Variants in ARHGAP15 observed in about 807,000 individuals in gnomAD.
ARHGAP15 encodes the protein Rho GTPase activating protein 15.
ARHGAP15 carries 51 observed loss-of-function variants against 63.7 expected under a neutral mutation model. That is an observed-to-expected ratio of 0.80 (90% CI 0.64 to 1.01). The LOEUF (loss-of-function observed/expected upper bound fraction) is 1.01, where lower values mean the gene tolerates loss of function less well. ARHGAP15 is among the 50% of genes least tolerant of loss of function. The pLI is 0.00. For synonymous variants in ARHGAP15, 191 were observed against 193.8 expected, an observed-to-expected ratio of 0.99 and a Z score of 0.12; for missense variants, 560 against 564.6, an observed-to-expected ratio of 0.99 and a Z score of 0.08.
chr2:143,183,745 A>G (rs1691329952), intron 2 of ARHGAP15, among the ~76,000 whole-genome samples: 1 of 151,362 alleles, frequency 6.6e-6, no homozygotes, highest in East Asian at 1.9e-4. Context: ...TTAAAGCTAA[A>G]GATGAAATGC....
intron 13 of ARHGAP15, chr2:143,741,196 G>C (rs1466020088): frequency 1.3e-5 from 2 of 152,128 alleles, no homozygotes; most frequent in African/African-American, 4.8e-5. Flanking sequence ...ATGTTATTAA[G>C]GACTAATTAG....
At chr2:143,480,078 A>G (rs1175452822) in intron 8 of ARHGAP15, among the ~76,000 whole-genome samples, 1 of 152,168 alleles carries the variant, frequency 6.6e-6, no homozygotes, top group Non-Finnish European at 1.5e-5. Context: ...TAAACAAAAC[A>G]CCCTGCCTTA....
chr2:143,171,909 T>C (rs929473772), intron 2 of ARHGAP15: 1 of 152,154 alleles, frequency 6.6e-6, no homozygotes, highest in African/African-American at 2.4e-5. Context: ...TGTGCTTGGC[T>C]AAACACATTA....
At chr2:143,191,767 C>T (rs1691691434) in intron 2 of ARHGAP15, among the ~76,000 whole-genome samples, 1 of 152,152 alleles carries the variant, frequency 6.6e-6, no homozygotes, top group South Asian at 2.1e-4. Context: ...CCCAATTTAG[C>T]TTCAAATAAT....
At chr2:143,532,292 TC>T (rs1343756650) in intron 10 of ARHGAP15, among the ~76,000 whole-genome samples, 1 of 152,216 alleles carries the variant, frequency 6.6e-6, no homozygotes, top group Non-Finnish European at 1.5e-5. Flanking sequence ...AGTATAGAGT[TC>T]TTACTTTTCA....
Position 143,621,422 on chromosome 2 carries a change from T to C in ARHGAP15, c.1004-2711T>C, listed in dbSNP as rs374933290. ...GACTGGTTGGCTTCATGAGAAGGCA[T>C]ACTATATGGACATAACTTCATGTTT... On this transcript the variant is annotated intron_variant, in intron 11 of 13. Coordinates refer to ENST00000295095, the MANE Select transcript of ARHGAP15 (RefSeq NM_018460.4). 2.0e-5 allele frequency among the ~76,000 whole-genome samples: 3 copies of C among 152,326 alleles called. No homozygotes were observed. The South Asian group carries it at 6.2e-4, about 32-fold the overall frequency.
chr2:143,642,480 G>C (rs1274604844), intron 12 of ARHGAP15, among the ~76,000 whole-genome samples: 1 of 152,064 alleles, frequency 6.6e-6, no homozygotes, highest in Non-Finnish European at 1.5e-5. Context: ...GATCCTGGCG[G>C]CAGTCACATT....
intron 8 of ARHGAP15, among the ~76,000 whole-genome samples, chr2:143,468,083 T>G (rs376808198): frequency 6.6e-6 from 1 of 152,144 alleles, no homozygotes; most frequent in Non-Finnish European, 1.5e-5. Context: ...GTGCCTTGTT[T>G]GATTGTGTAT....
At chr2:143,369,779 ACTTTT>A (rs1171960740) in intron 6 of ARHGAP15, among the ~76,000 whole-genome samples, 2 of 152,172 alleles carry the variant, frequency 1.3e-5, no homozygotes, top group African/African-American at 4.8e-5. Flanking sequence ...TAATACAACA[ACTTTT>A]CAGAGAACGC....
intron 6 of ARHGAP15, among the ~76,000 whole-genome samples, chr2:143,290,421 C>CA (rs879730879): frequency 6.8e-6 from 1 of 146,972 alleles, no homozygotes; most frequent in African/African-American, 2.5e-5. Flanking sequence ...TTGTCCCATC[C>CA]AAAAAAAGAA....
At chr2:143,435,043 G>GT (rs1309568372) in intron 6 of ARHGAP15, among the ~76,000 whole-genome samples, 1 of 152,008 alleles carries the variant, frequency 6.6e-6, no homozygotes, top group African/African-American at 2.4e-5. Flanking sequence ...GGGGAAATTG[G>GT]TTTTTTTATT....
chr2:143,587,547 A>T (rs1287336037), intron 11 of ARHGAP15: 2 of 279,708 alleles, frequency 7.2e-6, no homozygotes, highest in Non-Finnish European at 1.5e-5. Flanking sequence ...TACTTTTAAA[A>T]AAAAGCCTCT....
chr2:143,311,451 T>A (rs993411875), intron 6 of ARHGAP15, among the ~76,000 whole-genome samples: 1 of 152,124 alleles, frequency 6.6e-6, no homozygotes, highest in African/African-American at 2.4e-5. Flanking sequence ...ATCTCTTGGA[T>A]GTGACATAAA....
intron 8 of ARHGAP15, among the ~76,000 whole-genome samples, chr2:143,478,098 G>A (rs1691908016): frequency 2.0e-5 from 3 of 152,146 alleles, no homozygotes; most frequent in African/African-American, 4.8e-5. Context: ...GTTCATTGTT[G>A]TCTTGCTGCA....
chr2:143,185,199 T>C (rs1284827646), intron 2 of ARHGAP15, among the ~76,000 whole-genome samples: 1 of 152,234 alleles, frequency 6.6e-6, no homozygotes, highest in Non-Finnish European at 1.5e-5. Context: ...CCATGCCTGC[T>C]ATGTACCAAG....
intron 10 of ARHGAP15, among the ~76,000 whole-genome samples, chr2:143,529,763 T>C (rs142381007): frequency 6.6e-6 from 1 of 152,106 alleles, no homozygotes; most frequent in Non-Finnish European, 1.5e-5. Flanking sequence ...CAAGGAATAT[T>C]CTCTAACTTA....
chr2:143,448,193 T>G (rs557103739), intron 8 of ARHGAP15, among the ~76,000 whole-genome samples: 2 of 152,224 alleles, frequency 1.3e-5, no homozygotes, highest in African/African-American at 4.8e-5. Context: ...TTGGTGAGGC[T>G]GGAATGTGCA....
At chr2:143,577,850 C>T (rs949066452) in intron 11 of ARHGAP15, among the ~76,000 whole-genome samples, 2 of 151,978 alleles carry the variant, frequency 1.3e-5, no homozygotes, top group African/African-American at 2.4e-5. Context: ...GGGATACTCC[C>T]CAGAGGAAAC....
chr2:143,180,912 A>G (rs775524440), intron 2 of ARHGAP15, among the ~76,000 whole-genome samples: 1 of 152,060 alleles, frequency 6.6e-6, no homozygotes, highest in Non-Finnish European at 1.5e-5. Flanking sequence ...TGACCTCGTG[A>G]TCCGTCGCCT....
Sources: gnomAD v4.1 joint callset for allele counts (sites outside exome capture counted in the v4.1 genomes callset) on GRCh38, gnomAD v4.1.1 for gene constraint, MANE v1.5 for transcripts, NCBI Gene and HGNC (gene_info 2026-07-23, HGNC 2026-07-21) for gene names.